ROBO1: variants seen among roughly 807,000 people sequenced by gnomAD.
ROBO1 encodes roundabout guidance receptor 1.
Under a neutral mutation model 195.9 loss-of-function variants are expected in ROBO1, and 149 were observed. The ratio of observed to expected loss-of-function variants is 0.76; its 90% CI spans 0.67 to 0.87. ROBO1 has a LOEUF of 0.87. ROBO1 is among the 40% of genes least tolerant of loss of function. The pLI is 0.00. For synonymous variants in ROBO1, 816 were observed against 733.2 expected (o/e 1.11, Z -1.82); for missense variants, 1,933 against 2,068.3 (o/e 0.93, Z 1.27).
rs1448242324 is a variant in ROBO1 at position 78,797,881 on chromosome 3, G to A, written c.500-50981C>T. 5.9e-5 allele frequency among the ~76,000 whole-genome samples: 9 copies of A among 152,062 alleles called. No homozygotes were observed. The East Asian group carries it at 1.5e-3, about 26-fold the overall frequency. On this transcript the variant is annotated intron_variant, in intron 4 of 30. Coordinates refer to ENST00000464233, the MANE Select transcript of ROBO1 (RefSeq NM_002941.4). ...GATATTACAAAATAAAACAAAAGGTGACCTGTTTGTATATATAATGACTGT... is the reference window on the plus strand; with the variant it reads ...GATATTACAAAATAAAACAAAAGGTAACCTGTTTGTATATATAATGACTGT...
At chr3:78,733,139 A>C (rs2082319526) in intron 5 of ROBO1, among the ~76,000 whole-genome samples, 1 of 152,174 alleles carries the variant, frequency 6.6e-6, no homozygotes, top group Admixed American at 6.5e-5. Context: ...TCACCATAAA[A>C]CTTAGAATTA....
chr3:79,654,782 T>G (rs1946111747), intron 1 of ROBO1, among the ~76,000 whole-genome samples: 1 of 152,026 alleles, frequency 6.6e-6, no homozygotes, highest in African/African-American at 2.4e-5. Context: ...CTCTCTATTA[T>G]CATTTTGATT....
intron 4 of ROBO1, among the ~76,000 whole-genome samples, chr3:78,891,193 A>G (rs966565281): frequency 1.3e-5 from 2 of 152,208 alleles, no homozygotes; most frequent in Non-Finnish European, 2.9e-5. Flanking sequence ...CCTGCAAGTA[A>G]TGATTATATA....
intron 3 of ROBO1, among the ~76,000 whole-genome samples, chr3:78,979,982 C>A (rs1433634699): frequency 6.6e-6 from 1 of 152,050 alleles, no homozygotes; most frequent in Non-Finnish European, 1.5e-5. Flanking sequence ...TCAGGGTATT[C>A]CTTATATTTA....
At chr3:79,353,692 A>C (rs1244241331) in intron 2 of ROBO1, among the ~76,000 whole-genome samples, 1 of 152,120 alleles carries the variant, frequency 6.6e-6, no homozygotes, top group African/African-American at 2.4e-5. Context: ...TTTTAATCAG[A>C]GGGCTATGGT....
chr3:78,944,446 G>T (rs1040078113), intron 3 of ROBO1, among the ~76,000 whole-genome samples: 1 of 152,188 alleles, frequency 6.6e-6, no homozygotes, highest in Non-Finnish European at 1.5e-5. Flanking sequence ...TCAGAAACCA[G>T]CCATGCCTGC....
intron 2 of ROBO1, among the ~76,000 whole-genome samples, chr3:79,520,884 G>A (rs1367311322): frequency 6.6e-6 from 1 of 151,468 alleles, no homozygotes; most frequent in Non-Finnish European, 1.5e-5. Flanking sequence ...CTTTGAGTGA[G>A]AGATTAAAAT....
intron 3 of ROBO1, among the ~76,000 whole-genome samples, chr3:79,114,747 A>G (rs2108542858): frequency 6.6e-6 from 1 of 152,272 alleles, no homozygotes; most frequent in East Asian, 1.9e-4. Flanking sequence ...TTTTCATTAT[A>G]TACATTGTGT....
intron 3 of ROBO1, among the ~76,000 whole-genome samples, chr3:78,953,354 G>A (rs961061167): frequency 3.4e-5 from 5 of 147,062 alleles, no homozygotes; most frequent in Non-Finnish European, 7.4e-5. Context: ...TTTACTTTCT[G>A]TAAAATACTG....
chr3:79,151,688 A>G (rs1419429647), intron 2 of ROBO1, among the ~76,000 whole-genome samples: 2 of 151,674 alleles, frequency 1.3e-5, no homozygotes, highest in African/African-American at 4.8e-5. Flanking sequence ...CATCTTTCAC[A>G]CCTTTGTCTT....
intron 1 of ROBO1, among the ~76,000 whole-genome samples, chr3:79,633,080 A>C (rs1185058858): frequency 6.6e-6 from 1 of 152,104 alleles, no homozygotes; most frequent in Non-Finnish European, 1.5e-5. Context: ...ACAATTACAC[A>C]CACTAGAATA....
At chr3:79,008,116 T>C (rs889960917) in intron 3 of ROBO1, among the ~76,000 whole-genome samples, 2 of 152,184 alleles carry the variant, frequency 1.3e-5, no homozygotes, top group Non-Finnish European at 2.9e-5. Flanking sequence ...AAGAGTTTCC[T>C]GACTAAGTTA....
At position 78,840,567 on chromosome 3, in the gene ROBO1, T is replaced by C. The variant is rs754108220; in HGVS notation, c.500-93667A>G. 4.6e-5 allele frequency among the ~76,000 whole-genome samples: 7 copies of C among 152,286 alleles called. No homozygotes were observed. In the East Asian group the frequency reaches 7.7e-4, roughly 17 times the overall value. On this transcript the variant is annotated intron_variant, in intron 4 of 30. Transcript: ENST00000464233. Reference sequence around the variant, plus strand: ...GGCAAGAGGTCGCATTTGCAAGCCATGTACCTAATAATCGTGCAAGGTTAC... The same window carrying C: ...GGCAAGAGGTCGCATTTGCAAGCCACGTACCTAATAATCGTGCAAGGTTAC...
At chr3:79,612,539 A>G (rs1202429876) in intron 1 of ROBO1, among the ~76,000 whole-genome samples, 1 of 151,576 alleles carries the variant, frequency 6.6e-6, no homozygotes. Flanking sequence ...CTTTGGGTAT[A>G]TACCCAGTAA....
intron 5 of ROBO1, among the ~76,000 whole-genome samples, chr3:78,742,455 T>C (rs939567579): frequency 6.6e-6 from 1 of 152,182 alleles, no homozygotes; most frequent in African/African-American, 2.4e-5. Flanking sequence ...GTTTTAATTA[T>C]TCAATTTCAG....
chr3:79,327,522 C>T (rs1434439604), intron 2 of ROBO1, among the ~76,000 whole-genome samples: 1 of 151,828 alleles, frequency 6.6e-6, no homozygotes, highest in African/African-American at 2.4e-5. Flanking sequence ...TTCAAATCAT[C>T]AAAACATGTA....
chr3:78,606,193 C>G (rs1437424090), intron 29 of ROBO1, among the ~76,000 whole-genome samples: 3 of 152,160 alleles, frequency 2.0e-5, no homozygotes, highest in African/African-American at 7.2e-5. Flanking sequence ...GCCTAACCAC[C>G]TTTCTAGTTT....
intron 2 of ROBO1, among the ~76,000 whole-genome samples, chr3:79,441,468 C>T (rs1414030473): frequency 6.6e-6 from 1 of 152,090 alleles, no homozygotes; most frequent in Admixed American, 6.6e-5. Flanking sequence ...AAGTAAATAA[C>T]TAAGTATTGT....
At chr3:79,235,925 A>G (rs1377093725) in intron 2 of ROBO1, among the ~76,000 whole-genome samples, 3 of 152,172 alleles carry the variant, frequency 2.0e-5, no homozygotes, top group Non-Finnish European at 4.4e-5. Flanking sequence ...AGAGTTAATG[A>G]AAATAATGAC....
Sources: allele counts gnomAD v4.1 joint callset (sites outside exome capture counted in the v4.1 genomes callset), GRCh38; gene constraint gnomAD v4.1.1; transcripts MANE v1.5; gene names NCBI Gene and HGNC (gene_info 2026-07-23, HGNC 2026-07-21).